The following NOL4 variants were observed in gnomAD, a reference collection of about 807,000 sequenced individuals.
NOL4 encodes the protein nucleolar protein 4.
Under a neutral mutation model 75.9 loss-of-function variants are expected in NOL4, and 17 were observed. That is an observed-to-expected ratio of 0.22 (90% confidence interval 0.15 to 0.34). The LOEUF is 0.34. Among genes scored for constraint, NOL4 ranks in the 10% least tolerant of loss-of-function variants. The probability of loss-of-function intolerance (pLI) is 1.00; values close to 1 mark genes in which losing one functional copy is unlikely to be tolerated. For synonymous variants in NOL4, 292 were observed against 289.9 expected (o/e 1.01, Z -0.07); for missense variants, 614 against 793.5 (o/e 0.77, Z 2.72).
At chr18:34,034,180 C>A (rs1219931534) in intron 5 of NOL4, among the ~76,000 whole-genome samples, 1 of 151,974 alleles carries the variant, frequency 6.6e-6, no homozygotes, top group East Asian at 1.9e-4. Flanking sequence ...AACCACCAAA[C>A]CAAAATGACA....
rs66465203 is a variant in NOL4 at position 34,064,918 on chromosome 18, AACACAC to A, written c.772+28541_772+28546del. On this transcript the variant is annotated intron_variant, in intron 5 of 10. Transcript: ENST00000261592. Reference sequence around the variant, plus strand: ...AGTTTTATTCCCTATGGTATTTTTTAACACACACACACACACACACACACACACACA... The same window carrying A: ...AGTTTTATTCCCTATGGTATTTTTTAACACACACACACACACACACACACA... 3.4e-3 allele frequency among the ~76,000 whole-genome samples: 320 copies of A among 95,520 alleles called. 4 individuals carry two copies. In the East Asian group the frequency reaches 0.035, roughly 11 times the overall value. 62.7% of individuals were successfully genotyped at this position (95,520 alleles called of 152,430 possible).
rs867119160 is a variant in NOL4, at chr18:34,212,369, C to T, written c.264+10621G>A. 2.0e-5 allele frequency among the ~76,000 whole-genome samples: 3 copies of T among 152,284 alleles called. No homozygotes were observed. The Middle Eastern group carries it at 0.01, about 518-fold the overall frequency. ...GTATTAGAGAAAAAGAACATTTAAG[C>T]TATTTTCAGCTGTATCCTAAACCAC... On this transcript the variant is annotated intron_variant, in intron 1 of 10. Coordinates refer to ENST00000261592, the MANE Select transcript of NOL4 (RefSeq NM_003787.5).
At chr18:33,946,614 T>G (rs1202688429) in intron 8 of NOL4, among the ~76,000 whole-genome samples, 1 of 151,808 alleles carries the variant, frequency 6.6e-6, no homozygotes, top group Non-Finnish European at 1.5e-5. Context: ...ATACTACACA[T>G]TCCTGTGAGG....
intron 1 of NOL4, among the ~76,000 whole-genome samples, chr18:34,138,218 G>C (rs1259131195): frequency 2.6e-5 from 4 of 151,972 alleles, no homozygotes; most frequent in African/African-American, 9.7e-5. Context: ...TTTAGACATA[G>C]TGAGACCCTC....
At chr18:33,877,695 C>A (rs1462441783) in intron 10 of NOL4, among the ~76,000 whole-genome samples, 1 of 152,002 alleles carries the variant, frequency 6.6e-6, no homozygotes, top group Non-Finnish European at 1.5e-5. Context: ...TATATCCAAA[C>A]TGTGCATTTA....
intron 9 of NOL4, among the ~76,000 whole-genome samples, chr18:33,898,863 C>T (rs777515680): frequency 6.6e-6 from 1 of 152,090 alleles, no homozygotes; most frequent in Non-Finnish European, 1.5e-5. Flanking sequence ...ATCTTGCCAG[C>T]CACATTTTCT....
At chr18:34,175,820 T>G (rs2033494814) in intron 1 of NOL4, among the ~76,000 whole-genome samples, 1 of 151,980 alleles carries the variant, frequency 6.6e-6, no homozygotes, top group Non-Finnish European at 1.5e-5. Context: ...ACTAAACAAT[T>G]AACAACTATA....
chr18:34,125,753 TA>T (rs961663935), intron 2 of NOL4, among the ~76,000 whole-genome samples: 1 of 151,958 alleles, frequency 6.6e-6, no homozygotes, highest in East Asian at 1.9e-4. Context: ...AGCATTTTTT[TA>T]AAAAAAGAGA....
At chr18:34,129,697 T>G (rs755622290) in intron 2 of NOL4, among the ~76,000 whole-genome samples, 174 bp downstream of exon 2, 1 of 151,938 alleles carries the variant, frequency 6.6e-6, no homozygotes, top group African/African-American at 2.4e-5. Context: ...ATTATATGAA[T>G]AGACTAGTGA....
At chr18:34,175,435 T>A (rs2033455538) in intron 1 of NOL4, among the ~76,000 whole-genome samples, 1 of 152,130 alleles carries the variant, frequency 6.6e-6, no homozygotes. Flanking sequence ...AAGGAAAAAC[T>A]AGCGAATGAA....
chr18:34,191,852 A>G (rs536152872), intron 1 of NOL4, among the ~76,000 whole-genome samples: 20 of 152,256 alleles, frequency 1.3e-4, no homozygotes, highest in Admixed American at 3.9e-4. Flanking sequence ...GATATTAGCT[A>G]CAAGTCTGTC....
chr18:33,893,186 T>C (rs2065200899), intron 9 of NOL4, among the ~76,000 whole-genome samples: 1 of 152,120 alleles, frequency 6.6e-6, no homozygotes, highest in Admixed American at 6.6e-5. Flanking sequence ...ATATTCTTGA[T>C]ATGTATCAAT....
chr18:33,887,048 CTAATATATATCTATATA>C (rs2064764130), intron 9 of NOL4, among the ~76,000 whole-genome samples: 1 of 129,666 alleles, frequency 7.7e-6, no homozygotes, highest in African/African-American at 3.0e-5. Flanking sequence ...ATATCTAGAT[CTAATATATATCTATATA>C]TAATATATAT....
At chr18:33,862,699 T>C (rs2063213954) in intron 10 of NOL4, among the ~76,000 whole-genome samples, 1 of 152,168 alleles carries the variant, frequency 6.6e-6, no homozygotes, top group Non-Finnish European at 1.5e-5. Flanking sequence ...ATCAGAGAAA[T>C]GCAAATCTAA....
chr18:34,201,114 G>A (rs2035706124), intron 1 of NOL4, among the ~76,000 whole-genome samples: 1 of 151,756 alleles, frequency 6.6e-6, no homozygotes, highest in East Asian at 1.9e-4. Flanking sequence ...GAGAGAGCAA[G>A]AGAGGGGGAC....
At chr18:33,884,160 C>T (rs1475004918) in intron 9 of NOL4, among the ~76,000 whole-genome samples, 1 of 152,072 alleles carries the variant, frequency 6.6e-6, no homozygotes, top group Non-Finnish European at 1.5e-5. Flanking sequence ...AGAGATATTA[C>T]AATGGAAAAT....
At chr18:33,918,405 G>A (rs191726698) in intron 9 of NOL4, among the ~76,000 whole-genome samples, 37 of 152,162 alleles carry the variant, frequency 2.4e-4, no homozygotes, top group South Asian at 4.2e-4. Context: ...ATATTTATTC[G>A]TATGTTATTA....
intron 4 of NOL4, among the ~76,000 whole-genome samples, chr18:34,100,025 A>C (rs886962302): frequency 3.4e-5 from 5 of 145,088 alleles, no homozygotes; most frequent in Admixed American, 2.9e-4. Context: ...ACCTTCTCAA[A>C]CATCCTTAGT....
At chr18:34,068,589 A>G (rs1319163800) in intron 5 of NOL4, among the ~76,000 whole-genome samples, 3 of 151,886 alleles carry the variant, frequency 2.0e-5, no homozygotes, top group Non-Finnish European at 4.4e-5. Flanking sequence ...TAGTAGAGAC[A>G]GGGTTTCACC....
Sources: allele counts gnomAD v4.1 joint callset (sites outside exome capture counted in the v4.1 genomes callset), GRCh38; gene constraint gnomAD v4.1.1; transcripts MANE v1.5; gene names NCBI Gene and HGNC (gene_info 2026-07-23, HGNC 2026-07-21).